SLC15A5: variants seen among roughly 807,000 people sequenced by gnomAD.
SLC15A5 encodes solute carrier family 15 member 5, also known as Peptide/histidine transporter ENSP00000340402.
Under a neutral mutation model 56.1 loss-of-function variants are expected in SLC15A5, and 58 were observed. The ratio of observed to expected loss-of-function variants is 1.03; its 90% CI spans 0.84 to 1.29. The LOEUF (loss-of-function observed/expected upper bound fraction) is 1.29, where lower values mean the gene tolerates loss of function less well. Ranked by LOEUF, SLC15A5 falls within the 50% of genes most tolerant of loss-of-function variation. SLC15A5 has a pLI of 0.00. For missense variants in SLC15A5, 681 were observed against 672.1 expected, an observed-to-expected ratio of 1.01 and a Z score of -0.15; for synonymous variants, 264 against 250.5, an observed-to-expected ratio of 1.05 and a Z score of -0.51.
chr12:16,212,352 T>C (rs1169163028), intron 7 of SLC15A5, among the ~76,000 whole-genome samples: 1 of 152,208 alleles, frequency 6.6e-6, no homozygotes, highest in African/African-American at 2.4e-5. Context: ...AGAGGGATAC[T>C]GACCTACCCA....
At chr12:16,209,038 G>A (rs139047606) in intron 7 of SLC15A5, among the ~76,000 whole-genome samples, 3 of 124,128 alleles carry the variant, frequency 2.4e-5, no homozygotes, top group Non-Finnish European at 3.3e-5. Flanking sequence ...TTTTTTTCAT[G>A]TACTGGACTT....
chr12:16,248,034 TGTGGGAAAGGG>T (rs1401702676), intron 3 of SLC15A5, among the ~76,000 whole-genome samples: 1 of 152,010 alleles, frequency 6.6e-6, no homozygotes, highest in Admixed American at 6.6e-5. Flanking sequence ...AATTTTCTGA[TGTGGGAAAGGG>T]GTGAAGAAGT....
chr12:16,209,497 C>T (rs533737426), intron 7 of SLC15A5, among the ~76,000 whole-genome samples: 5 of 152,202 alleles, frequency 3.3e-5, no homozygotes, highest in African/African-American at 9.6e-5. Context: ...CTAACAAAGA[C>T]CTTTTTTTCT....
intron 7 of SLC15A5, among the ~76,000 whole-genome samples, chr12:16,203,490 G>T (rs1863983304): frequency 6.6e-6 from 1 of 151,992 alleles, no homozygotes; most frequent in African/African-American, 2.4e-5. Flanking sequence ...ATATCATAAG[G>T]TGATCTTAAT....
chr12:16,246,944 C>G (rs1217468309), intron 3 of SLC15A5, among the ~76,000 whole-genome samples: 4 of 151,992 alleles, frequency 2.6e-5, no homozygotes, highest in African/African-American at 9.7e-5. Flanking sequence ...CTATCGTGGT[C>G]AATTCATTTG....
At position 16,194,407 on chromosome 12, in the gene SLC15A5, G is replaced by A; in HGVS notation, c.1530C>T (p.Phe510=). The A allele has an allele frequency of 6.5e-7, 1 of 1,534,070 alleles. No individual in the cohort carries two copies. Among genetic ancestry groups the A allele is most frequent in the Non-Finnish European group, 8.7e-7 (1 of 1,145,610 alleles). Residue 510 remains phenylalanine, a synonymous_variant, in exon 8 of 9, where the codon TTC becomes TTT. Coordinates refer to ENST00000344941, the MANE Select transcript of SLC15A5 (RefSeq NM_001170798.1). ...ATGTTAATGATGCCAGGAAGAAGAA[G>A]AAGCTTTCTAAATTGCCTTTGTTTA... The part of the protein sequence containing the change: ...NTLNKGNLES[F]FFFLASLTLL...
At chr12:16,248,272 AT>A (rs1323449411) in intron 3 of SLC15A5, among the ~76,000 whole-genome samples, 1 of 152,146 alleles carries the variant, frequency 6.6e-6, no homozygotes, top group African/African-American at 2.4e-5. Context: ...AGAGGTCAAT[AT>A]AACATTGAGT....
rs199752336 is a variant in SLC15A5, at chr12:16,242,384, G to A, written c.975+2196C>T. Reference sequence around the variant, plus strand: ...TTGTATCAGGGACTTTTAACCCAATGCAAGAGTGATATTGAGGATAATAAA... The same window carrying A: ...TTGTATCAGGGACTTTTAACCCAATACAAGAGTGATATTGAGGATAATAAA... On this transcript the variant is annotated intron_variant, in intron 4 of 8. Coordinates refer to ENST00000344941, the MANE Select transcript of SLC15A5 (RefSeq NM_001170798.1). Among the ~76,000 whole-genome samples, 3 of 52,430 alleles carry A rather than the reference G, an allele frequency of 5.7e-5. No homozygotes were observed. In the Admixed American group the frequency reaches 6.0e-4, roughly 11 times the overall value. 34.4% of individuals were successfully genotyped at this position (52,430 alleles called of 152,430 possible).
At chr12:16,222,987 T>G (rs1047288763) in intron 6 of SLC15A5, among the ~76,000 whole-genome samples, 1 of 152,116 alleles carries the variant, frequency 6.6e-6, no homozygotes, top group Non-Finnish European at 1.5e-5. Flanking sequence ...ATAAAGTAAT[T>G]TATGTATGCA....
At chr12:16,193,825 GAGAGAGAGAGAGAGAGA>G (rs1863865309) in intron 8 of SLC15A5, among the ~76,000 whole-genome samples, 2 of 123,004 alleles carry the variant, frequency 1.6e-5, no homozygotes, top group African/African-American at 5.7e-5. Context: ...GAGAGAGAGA[GAGAGAGAGAGAGAGAGA>G]GAGGCTGGCA....
At chr12:16,277,228 A>G in intron 1 of SLC15A5, 97 bp downstream of exon 1, 1 of 1,186,306 alleles carries the variant, frequency 8.4e-7, no homozygotes, top group Non-Finnish European at 1.1e-6. Context: ...ATCACATTTT[A>G]TGCTAAGAGC....
intron 7 of SLC15A5, among the ~76,000 whole-genome samples, chr12:16,200,845 T>C (rs1337437829): frequency 6.6e-6 from 1 of 151,954 alleles, no homozygotes; most frequent in Non-Finnish European, 1.5e-5. Flanking sequence ...AATTAGGAAA[T>C]GCATAAAACA....
At position 16,235,909 on chromosome 12, in the gene SLC15A5, G is replaced by A. The variant is rs1237711725; in HGVS notation, c.1162+3772C>T. Reference sequence around the variant, plus strand: ...TGAGGTTACTGGTTATGTATACAGGGACCTACACTGACTGTGACTATATCA... The same window carrying A: ...TGAGGTTACTGGTTATGTATACAGGAACCTACACTGACTGTGACTATATCA... On this transcript the variant is annotated intron_variant, in intron 5 of 8. Coordinates refer to ENST00000344941, the MANE Select transcript of SLC15A5 (RefSeq NM_001170798.1). The surrounding 1 kb of genome is among the most constrained non-coding windows in gnomAD (Gnocchi z 4.1). Among the ~76,000 whole-genome samples, 1 of 152,104 alleles carries A rather than the reference G, an allele frequency of 6.6e-6. No individual in the cohort carries two copies. The highest frequency in any genetic ancestry group is 1.5e-5 in the Non-Finnish European group (1 of 67,984).
At position 16,258,705 on chromosome 12, in the gene SLC15A5, C is replaced by T. The variant is rs117239153; in HGVS notation, c.585-835G>A. Among the ~76,000 whole-genome samples, 10 of 152,082 alleles carry T rather than the reference C, an allele frequency of 6.6e-5. No homozygotes were observed. The East Asian group carries it at 1.9e-3, about 29-fold the overall frequency. ...TTTTAGATAAGCCTTAGTACACTTACACTATCATTAAAATTTAAAGGGCTT... is the reference window on the plus strand; with the variant it reads ...TTTTAGATAAGCCTTAGTACACTTATACTATCATTAAAATTTAAAGGGCTT... On this transcript the variant is annotated intron_variant, in intron 2 of 8. Transcript: ENST00000344941.
chr12:16,267,485 A>AT lies in SLC15A5; in HGVS notation c.584+5075dup, dbSNP rs1290313863. Among the ~76,000 whole-genome samples the AT allele has an allele frequency of 1.1e-3, 122 of 114,206 alleles. 29 individuals are homozygous for AT. The highest frequency in any genetic ancestry group is 3.3e-3 in the African/African-American group (96 of 29,522). 74.9% of individuals were successfully genotyped at this position (114,206 alleles called of 152,430 possible). On this transcript the variant is annotated intron_variant, in intron 2 of 8. Coordinates refer to ENST00000344941, the MANE Select transcript of SLC15A5 (RefSeq NM_001170798.1). ...AGTTCCTTTTTATCTGTAAATACAT[A>AT]TTTTTTTTTCCAGCAGAGCTGTTAA...
At chr12:16,246,775 T>G (rs1864465790) in intron 3 of SLC15A5, among the ~76,000 whole-genome samples, 1 of 152,176 alleles carries the variant, frequency 6.6e-6, no homozygotes, top group South Asian at 2.1e-4. Context: ...TGTTGCAAGA[T>G]AAACTTGGAT....
intron 2 of SLC15A5, among the ~76,000 whole-genome samples, chr12:16,270,130 G>A (rs916805247): frequency 6.6e-6 from 1 of 152,180 alleles, no homozygotes; most frequent in African/African-American, 2.4e-5. Flanking sequence ...AGATGGTAAT[G>A]TTGGCTGGGA....
At chr12:16,205,649 G>T (rs551806397) in intron 7 of SLC15A5, among the ~76,000 whole-genome samples, 1 of 136,206 alleles carries the variant, frequency 7.3e-6, no homozygotes, top group African/African-American at 2.8e-5. Context: ...ATATACACAT[G>T]TATATGCACC....
Position 16,271,456 on chromosome 12 carries a change from G to C in SLC15A5, c.584+1105C>G, listed in dbSNP as rs1219179404. ...GTCAAGGAGGCAGAATTTGCTGCAA[G>C]GAAGTAAAGAGTCCCTTCTACCTTT... is the stretch of plus-strand genomic sequence containing the variant. On this transcript the variant is annotated intron_variant, in intron 2 of 8. Transcript: ENST00000344941. The surrounding 1 kb of genome is among the most constrained non-coding windows in gnomAD (Gnocchi z 8.0). Among the ~76,000 whole-genome samples, 1 of 152,126 alleles carries C rather than the reference G, an allele frequency of 6.6e-6. No homozygotes were observed. The highest frequency in any genetic ancestry group is 6.6e-5 in the Admixed American group (1 of 15,262).
Sources: allele counts gnomAD v4.1 joint callset (sites outside exome capture counted in the v4.1 genomes callset), GRCh38; gene constraint gnomAD v4.1.1; non-coding constraint Gnocchi (gnomAD v3.1); transcripts MANE v1.5; gene names NCBI Gene and HGNC (gene_info 2026-07-23, HGNC 2026-07-21).